ARID4B: variants seen among roughly 807,000 people sequenced by gnomAD.
ARID4B encodes the protein AT-rich interaction domain 4B.
ARID4B carries 26 observed loss-of-function variants against 147.5 expected under a neutral mutation model. That is an observed-to-expected ratio of 0.18 (90% confidence interval 0.13 to 0.24). The LOEUF is 0.24. Ranked by LOEUF, ARID4B falls within the 10% of genes least tolerant of loss-of-function variation. ARID4B has a pLI of 1.00. For missense variants in ARID4B, 1,179 were observed against 1,511.5 expected, an observed-to-expected ratio of 0.78 and a Z score of 3.65; for synonymous variants, 512 against 507.9, an observed-to-expected ratio of 1.01 and a Z score of -0.11.
intron 2 of ARID4B, among the ~76,000 whole-genome samples, chr1:235,278,025 GT>G (rs965126641): frequency 1.3e-5 from 2 of 152,060 alleles, no homozygotes; most frequent in Non-Finnish European, 2.9e-5. Context: ...AGCTATTTAA[GT>G]AAATGTACAC....
rs761909965 is a variant in ARID4B, at chr1:235,175,222, T to C, written c.3626A>G (p.Asn1209Ser). ...DKDPDLKEPS[N>S]RLPKVYKWSF... Reference sequence around the variant, plus strand: ...CCATTTGTAAACTTTGGGTAATCGATTACTGGGTTCCTTGAGATCAGGATC... The same window carrying C: ...CCATTTGTAAACTTTGGGTAATCGACTACTGGGTTCCTTGAGATCAGGATC... The change falls in exon 22 of 24, where the codon AAT becomes AGT. Residue 1209 changes from asparagine to serine, a missense_variant. Around this residue, in one of 10 missense-constraint regions of ARID4B, gnomAD observed 357 missense variants for 427.3 expected, o/e 0.84. Coordinates refer to ENST00000264183, the MANE Select transcript of ARID4B (RefSeq NM_016374.6). 5 of 1,614,066 alleles carry C rather than the reference T, an allele frequency of 3.1e-6. No homozygotes were observed. The African/African-American group carries it at 4.0e-5, about 13-fold the overall frequency.
intron 13 of ARID4B, 73 bp from the exon 14 acceptor site, chr1:235,221,735 A>ATATATGAGT (rs1667475863): frequency 1.6e-6 from 1 of 644,730 alleles, no homozygotes. Context: ...TAGACACAGT[A>ATATATGAGT]TATATGAGTA....
At chr1:235,277,681 GC>G (rs1381201192) in intron 2 of ARID4B, among the ~76,000 whole-genome samples, 2 of 147,392 alleles carry the variant, frequency 1.4e-5, no homozygotes, top group African/African-American at 5.1e-5. Flanking sequence ...TGATGACCTT[GC>G]CCAGCATCTT....
chr1:235,172,793 C>T (rs1372173618), intron 22 of ARID4B, 29 bp from the exon 23 acceptor site: 3 of 1,491,508 alleles, frequency 2.0e-6, no homozygotes, highest in South Asian at 1.4e-5. Flanking sequence ...CATTAACAGA[C>T]ATTTTTAAAG....
chr1:235,201,843 T>C (rs1665952475), intron 17 of ARID4B, among the ~76,000 whole-genome samples: 1 of 151,720 alleles, frequency 6.6e-6, no homozygotes, highest in Non-Finnish European at 1.5e-5. Flanking sequence ...AAGACTGCAC[T>C]ACTGCACTCC....
chr1:235,184,482 C>T (rs541835689), intron 19 of ARID4B, among the ~76,000 whole-genome samples: 18 of 152,222 alleles, frequency 1.2e-4, no homozygotes, highest in African/African-American at 4.3e-4. Context: ...AATCTACCCC[C>T]CAAGGTAGTT....
chr1:235,262,441 G>A (rs1223719495), intron 2 of ARID4B, among the ~76,000 whole-genome samples: 1 of 152,086 alleles, frequency 6.6e-6, no homozygotes, highest in Non-Finnish European at 1.5e-5. Context: ...TACCCTTACA[G>A]AAAGATAATC....
chr1:235,181,711 C>T lies in ARID4B; in HGVS notation c.3208G>A (p.Glu1070Lys). 6.2e-7 allele frequency: 1 copy of T among 1,614,116 alleles called. No individual in the cohort carries two copies. Among genetic ancestry groups the T allele is most frequent in the Non-Finnish European group, 8.5e-7 (1 of 1,180,010 alleles). ...AGCTCCCCAGCAACACTATCCACCT[C>T]AATTGTGCTATCAGTTTCACTCTTG... ...SIKSETDSTIEVDSVAGELQD... is the reference protein window; with the variant it reads ...SIKSETDSTIKVDSVAGELQD... The change falls in exon 20 of 24, where the codon GAG becomes AAG. Residue 1070 changes from glutamate to lysine, a missense_variant. Around this residue, in one of 10 missense-constraint regions of ARID4B, gnomAD observed 357 missense variants for 427.3 expected, o/e 0.84. Coordinates refer to ENST00000264183, the MANE Select transcript of ARID4B (RefSeq NM_016374.6).
chr1:235,220,200 A>C, intron 15 of ARID4B, 102 bp downstream of exon 15: 1 of 1,053,008 alleles, frequency 9.5e-7, no homozygotes, highest in Non-Finnish European at 1.3e-6. Flanking sequence ...ATAAACAAAT[A>C]ATAAAGAATA....
chr1:235,324,277 CTA>C (rs544425794), intron 2 of ARID4B, among the ~76,000 whole-genome samples: 2 of 152,280 alleles, frequency 1.3e-5, no homozygotes, highest in South Asian at 2.1e-4. Context: ...ACATCACGAT[CTA>C]TGTTACAGCA....
At chr1:235,311,419 G>A (rs1048041633) in intron 2 of ARID4B, among the ~76,000 whole-genome samples, 1 of 149,282 alleles carries the variant, frequency 6.7e-6, no homozygotes, top group Admixed American at 6.7e-5. Context: ...ACTATAAGAA[G>A]CTTTGTATAT....
chr1:235,260,833 CT>C (rs1181889620), intron 2 of ARID4B, 81 bp from the exon 3 acceptor site: 4 of 895,900 alleles, frequency 4.5e-6, no homozygotes, highest in Non-Finnish European at 6.9e-6. Flanking sequence ...TGAGCCTAAT[CT>C]TGTTAAGCTA....
At chr1:235,193,753 C>T (rs1665286933) in intron 19 of ARID4B, among the ~76,000 whole-genome samples, 1 of 152,146 alleles carries the variant, frequency 6.6e-6, no homozygotes, top group South Asian at 2.1e-4. Flanking sequence ...AAAGGTAACG[C>T]TCACTGGAGC....
rs1379561530 is a variant in ARID4B, at chr1:235,193,997, C to T, written c.2125+16G>A. 5.0e-5 allele frequency: 76 copies of T among 1,532,018 alleles called. No homozygotes were observed. The highest frequency in any genetic ancestry group is 3.0e-4 in the South Asian group (26 of 87,188). The allele number at this position is 1,532,018 out of a possible 1,614,324, so 94.9% of individuals were successfully genotyped here. On this transcript the variant is annotated intron_variant, in intron 19 of 23. Coordinates refer to ENST00000264183, the MANE Select transcript of ARID4B (RefSeq NM_016374.6). ...AAAATCAAATACTTGCACAACAGAA[C>T]GATTGTTATGTTTACCTTGAAGTCC... is the stretch of plus-strand genomic sequence containing the variant.
intron 2 of ARID4B, among the ~76,000 whole-genome samples, chr1:235,285,428 A>C (rs1671909987): frequency 6.6e-6 from 1 of 152,204 alleles, no homozygotes; most frequent in South Asian, 2.1e-4. Flanking sequence ...TCCTGATGTA[A>C]TCTCTCAGCA....
chr1:235,208,822 G>T (rs1666505748), intron 17 of ARID4B, among the ~76,000 whole-genome samples: 1 of 152,146 alleles, frequency 6.6e-6, no homozygotes, highest in South Asian at 2.1e-4. Context: ...CGGCCGGCCA[G>T]CAATAATTTT....
At chr1:235,324,743 C>A (rs1003061963) in intron 2 of ARID4B, among the ~76,000 whole-genome samples, 3 of 152,128 alleles carry the variant, frequency 2.0e-5, no homozygotes, top group African/African-American at 7.2e-5. Flanking sequence ...TCGACACCAG[C>A]CTGGGCAACA....
At chr1:235,321,671 G>T (rs1674848881) in intron 2 of ARID4B, among the ~76,000 whole-genome samples, 1 of 152,002 alleles carries the variant, frequency 6.6e-6, no homozygotes. Context: ...TCTATTTTTT[G>T]TATTTTTTTA....
chr1:235,256,576 C>G (rs1372708598), intron 4 of ARID4B, among the ~76,000 whole-genome samples: 4 of 152,136 alleles, frequency 2.6e-5, no homozygotes, highest in Admixed American at 2.6e-4. Context: ...AAAATGAATG[C>G]AAAGAAATAA....
Sources: allele counts gnomAD v4.1 joint callset (sites outside exome capture counted in the v4.1 genomes callset), GRCh38; gene constraint gnomAD v4.1.1; regional missense constraint gnomAD v4.1.1; transcripts MANE v1.5; gene names NCBI Gene and HGNC (gene_info 2026-07-23, HGNC 2026-07-21).